Variants in DNAH6 observed in about 807,000 individuals in gnomAD.
DNAH6 encodes the protein axonemal beta dynein heavy chain 6.
In DNAH6, 340 loss-of-function variants were observed where a neutral mutation model predicts 491.4. The ratio of observed to expected loss-of-function variants is 0.69; its 90% CI spans 0.63 to 0.76. The LOEUF (loss-of-function observed/expected upper bound fraction) is 0.76, where lower values mean the gene tolerates loss of function less well. Ranked by LOEUF, DNAH6 falls within the 30% of genes least tolerant of loss-of-function variation. The pLI is 0.00. For missense variants in DNAH6, 4,443 were observed against 4,972.2 expected, an observed-to-expected ratio of 0.89 and a Z score of 3.20; for synonymous variants, 1,603 against 1,686.1, an observed-to-expected ratio of 0.95 and a Z score of 1.21.
intron 60 of DNAH6, among the ~76,000 whole-genome samples, chr2:84,726,350 G>A (rs1317377875): frequency 6.6e-6 from 1 of 152,110 alleles, no homozygotes; most frequent in African/African-American, 2.4e-5. Flanking sequence ...TGCCCCTCAG[G>A]GCCCTGGTGG....
the DNAH6 span, among the ~76,000 whole-genome samples, chr2:84,481,828 T>C: frequency 6.6e-6 from 1 of 152,214 alleles, no homozygotes; most frequent in African/African-American, 2.4e-5. Flanking sequence ...CAGGCAGCAT[T>C]GCTGAGCAAC....
In DNAH6 at chr2:84,704,294, G is replaced by C; in HGVS notation, c.8457G>C (p.Leu2819Phe). 6.5e-7 allele frequency: 1 copy of C among 1,550,384 alleles called. No homozygotes were observed. The highest frequency in any genetic ancestry group is 8.7e-7 in the Non-Finnish European group (1 of 1,145,884). Residue 2819 changes from leucine to phenylalanine, a missense_variant, in exon 51 of 77, where the codon TTG becomes TTC. By Grantham distance (22) the Leu-to-Phe change is conservative. Around this residue, in one of 3 missense-constraint regions of DNAH6, gnomAD observed 1,463 missense variants for 1,656.6 expected, o/e 0.88. Coordinates refer to ENST00000389394, the MANE Select transcript of DNAH6 (RefSeq NM_001370.2). ...TAATGGAAGCAATCTCCATTCTTTT[G>C]AATGCCAAGTGAGTAATTCAGAGTC... Reference protein sequence around the residue: ...MTVMEAISILLNAKPDWPSAK... With the variant: ...MTVMEAISILFNAKPDWPSAK...
chr2:84,594,934 G>A (rs753586816), intron 17 of DNAH6, among the ~76,000 whole-genome samples: 1 of 152,148 alleles, frequency 6.6e-6, no homozygotes, highest in African/African-American at 2.4e-5. Flanking sequence ...AGTTTTAAGT[G>A]CTCTCCTTTA....
chr2:84,596,046 T>A (rs965793513), intron 18 of DNAH6, among the ~76,000 whole-genome samples: 1 of 152,128 alleles, frequency 6.6e-6, no homozygotes, highest in Non-Finnish European at 1.5e-5. Flanking sequence ...AGTGCAGGAA[T>A]AGGTTGTAGT....
intron 26 of DNAH6, among the ~76,000 whole-genome samples, chr2:84,622,054 G>A (rs1300456477): frequency 6.6e-6 from 1 of 152,254 alleles, no homozygotes; most frequent in East Asian, 1.9e-4. Context: ...TTGCTAAATA[G>A]CATTTAAATA....
chr2:84,594,325 A>G (rs554233149), intron 17 of DNAH6, among the ~76,000 whole-genome samples: 1 of 152,376 alleles, frequency 6.6e-6, no homozygotes, highest in East Asian at 1.9e-4. Context: ...ATCAATGGAC[A>G]ATGCTGTATG....
chr2:84,515,933 G>C (rs570934977), upstream of DNAH6, among the ~76,000 whole-genome samples: 1 of 152,170 alleles, frequency 6.6e-6, no homozygotes, highest in Non-Finnish European at 1.5e-5. Flanking sequence ...AAGTGGAAAA[G>C]GACATTAGTT....
chr2:84,711,722 T>C (rs1336644505), intron 56 of DNAH6, among the ~76,000 whole-genome samples: 4 of 152,206 alleles, frequency 2.6e-5, no homozygotes, highest in East Asian at 1.9e-4. Context: ...CAGGTTACAC[T>C]ATTCCCCACT....
At chr2:84,731,959 A>G (rs200892186) in intron 61 of DNAH6, among the ~76,000 whole-genome samples, 1 of 152,216 alleles carries the variant, frequency 6.6e-6, no homozygotes, top group East Asian at 1.9e-4. Flanking sequence ...GGTGCTTAAC[A>G]GCTAGATGCA....
intron 62 of DNAH6, among the ~76,000 whole-genome samples, chr2:84,737,518 C>G (rs1005510631): frequency 6.6e-6 from 1 of 151,844 alleles, no homozygotes; most frequent in Non-Finnish European, 1.5e-5. Context: ...CATCATTAAT[C>G]TGTTCAGGAT....
intron 68 of DNAH6, among the ~76,000 whole-genome samples, chr2:84,791,077 C>A (rs1372896358): frequency 6.6e-6 from 1 of 151,922 alleles, no homozygotes; most frequent in African/African-American, 2.4e-5. Context: ...GTAATCCCAG[C>A]TACTCAGGAG....
At chr2:84,646,464 T>C (rs992285729) in intron 33 of DNAH6, among the ~76,000 whole-genome samples, 1 of 152,192 alleles carries the variant, frequency 6.6e-6, no homozygotes, top group Admixed American at 6.5e-5. Context: ...AAGGCATGTC[T>C]AAAGCCAAGA....
the DNAH6 span, among the ~76,000 whole-genome samples, chr2:84,511,318 C>T: frequency 6.6e-6 from 1 of 152,226 alleles, no homozygotes; most frequent in Non-Finnish European, 1.5e-5. Context: ...AGTTTGATCT[C>T]AGACTGCTGT....
chr2:84,799,815 G>A (rs1291070721), intron 70 of DNAH6, among the ~76,000 whole-genome samples: 1 of 152,208 alleles, frequency 6.6e-6, no homozygotes, highest in Non-Finnish European at 1.5e-5. Flanking sequence ...CCTAGGAATG[G>A]ACTTAAAGAG....
intron 45 of DNAH6, among the ~76,000 whole-genome samples, chr2:84,690,346 GTTGT>G: frequency 6.6e-6 from 1 of 152,138 alleles, no homozygotes; most frequent in African/African-American, 2.4e-5. Flanking sequence ...TATAACATAG[GTTGT>G]TTGTCATTGG....
intron 26 of DNAH6, among the ~76,000 whole-genome samples, chr2:84,621,870 G>T (rs922369311): frequency 6.6e-6 from 1 of 152,034 alleles, no homozygotes; most frequent in Non-Finnish European, 1.5e-5. Flanking sequence ...ATACCTCTCA[G>T]GGAAGTTTAT....
intron 56 of DNAH6, among the ~76,000 whole-genome samples, chr2:84,710,859 A>G (rs1198217741): frequency 6.6e-6 from 1 of 152,094 alleles, no homozygotes; most frequent in African/African-American, 2.4e-5. Flanking sequence ...GTTAAAAAAA[A>G]AAAAAGAAGA....
At chr2:84,601,602 T>C (rs985516663) in intron 18 of DNAH6, among the ~76,000 whole-genome samples, 1 of 150,788 alleles carries the variant, frequency 6.6e-6, no homozygotes, top group Non-Finnish European at 1.5e-5. Flanking sequence ...TGTGTTTTTA[T>C]ATTTAGAATA....
At chr2:84,818,949 T>C (rs1437969495) in intron 76 of DNAH6, among the ~76,000 whole-genome samples, 1 of 152,158 alleles carries the variant, frequency 6.6e-6, no homozygotes, top group Non-Finnish European at 1.5e-5. Context: ...GGTACGCACC[T>C]ATAGTCCCAG....
Sources: allele counts gnomAD v4.1 joint callset (sites outside exome capture counted in the v4.1 genomes callset), GRCh38; gene constraint gnomAD v4.1.1; regional missense constraint gnomAD v4.1.1; transcripts MANE v1.5; gene names NCBI Gene and HGNC (gene_info 2026-07-23, HGNC 2026-07-21).